TRHDE: variants seen among roughly 807,000 people sequenced by gnomAD.
TRHDE encodes thyrotropin releasing hormone degrading enzyme.
In TRHDE, 72 loss-of-function variants were observed where a neutral mutation model predicts 125.7. That is an observed-to-expected ratio of 0.57 (90% confidence interval 0.47 to 0.70). The LOEUF is 0.70. TRHDE is among the 30% of genes least tolerant of loss of function. The pLI is 0.00. For synonymous variants in TRHDE, 509 were observed against 509.1 expected, an observed-to-expected ratio of 1.00 and a Z score of 0.00; for missense variants, 1,110 against 1,327.1, an observed-to-expected ratio of 0.84 and a Z score of 2.54.
intron 5 of TRHDE, among the ~76,000 whole-genome samples, chr12:72,488,192 A>C (rs1877501974): frequency 6.6e-6 from 1 of 152,136 alleles, no homozygotes; most frequent in Admixed American, 6.5e-5. Context: ...TAAATGGCTT[A>C]AATTATTTAA....
intron 6 of TRHDE, among the ~76,000 whole-genome samples, chr12:72,534,624 T>G (rs138037624): frequency 2.4e-3 from 365 of 152,146 alleles, no homozygotes; most frequent in Non-Finnish European, 4.0e-3. Flanking sequence ...TACATACATT[T>G]TTGAAGTTTA....
intron 15 of TRHDE, among the ~76,000 whole-genome samples, chr12:72,627,730 A>C (rs2136083847): frequency 6.6e-6 from 1 of 151,946 alleles, no homozygotes; most frequent in South Asian, 2.1e-4. Flanking sequence ...CTATTATCCA[A>C]GTGCAGTGGC....
At position 72,272,618 on chromosome 12, in the gene TRHDE, GC is replaced by G; in HGVS notation, c.-25del. 1 of 894,128 alleles carries G rather than the reference GC, an allele frequency of 1.1e-6. No homozygotes were observed. Among genetic ancestry groups the G allele is most frequent in the Non-Finnish European group, 1.6e-6 (1 of 615,952 alleles). 55.4% of individuals were successfully genotyped at this position (894,128 alleles called of 1,614,324 possible). A position where few individuals can be genotyped will look rare whatever the true frequency, so the allele number is the denominator to read the frequency against. On this transcript the variant is annotated 5_prime_UTR_variant, in exon 1 of 19. Coordinates refer to ENST00000261180, the MANE Select transcript of TRHDE (RefSeq NM_013381.3). This position sits in a 1 kb window ranked among gnomAD's most constrained non-coding sequence, Gnocchi z 6.7. The stretch of plus-strand genomic sequence containing the variant: ...CCGCCCGCGGGGGGTGCCAGAGGGG[GC>G]GGGGGAGGAGGAGGAGGCGGTGTGA...
chr12:72,510,007 C>T (rs1259094563), intron 6 of TRHDE, among the ~76,000 whole-genome samples: 3 of 151,970 alleles, frequency 2.0e-5, no homozygotes, highest in Non-Finnish European at 4.4e-5. Context: ...TTGTGTTGCC[C>T]AGTCATTTAG....
intron 3 of TRHDE, among the ~76,000 whole-genome samples, chr12:72,379,087 G>A (rs768455384): frequency 2.0e-5 from 3 of 152,094 alleles, no homozygotes; most frequent in African/African-American, 4.8e-5. Flanking sequence ...CAAGAATAAA[G>A]TGCTTACTTG....
intron 3 of TRHDE, among the ~76,000 whole-genome samples, chr12:72,418,225 TTC>T (rs1873809980): frequency 6.6e-6 from 1 of 152,094 alleles, no homozygotes; most frequent in South Asian, 2.1e-4. Context: ...ACTTCAGTGT[TTC>T]TCTTTTTGTG....
At chr12:72,409,567 C>G (rs1873408597) in intron 3 of TRHDE, among the ~76,000 whole-genome samples, 1 of 152,176 alleles carries the variant, frequency 6.6e-6, no homozygotes, top group African/African-American at 2.4e-5. Context: ...GCCCCTTAAG[C>G]TTTGATTTTG....
intron 15 of TRHDE, among the ~76,000 whole-genome samples, chr12:72,623,088 A>C (rs1873118316): frequency 6.6e-6 from 1 of 151,860 alleles, no homozygotes; most frequent in South Asian, 2.1e-4. Flanking sequence ...CTTTTTTGCT[A>C]TTTTTACCAC....
intron 6 of TRHDE, 37 bp from the exon 7 acceptor site, chr12:72,542,254 G>A (rs912388835): frequency 2.0e-6 from 3 of 1,489,204 alleles, no homozygotes; most frequent in Middle Eastern, 1.8e-4. Context: ...ATGATACTTT[G>A]TTGAAATTCT....
intron 6 of TRHDE, among the ~76,000 whole-genome samples, chr12:72,530,032 G>A (rs951495925): frequency 1.3e-5 from 2 of 152,042 alleles, no homozygotes; most frequent in African/African-American, 4.8e-5. Flanking sequence ...CCATCCTCTT[G>A]TCTACTCTAG....
At chr12:72,319,854 A>G (rs1381683620) in intron 2 of TRHDE, among the ~76,000 whole-genome samples, 1 of 151,972 alleles carries the variant, frequency 6.6e-6, no homozygotes, top group Non-Finnish European at 1.5e-5. Flanking sequence ...AATCAATAAC[A>G]TGGTTTTTTT....
At chr12:72,181,319 G>A (rs755054956) in intron 2 of TRHDE, among the ~76,000 whole-genome samples, 35 of 151,974 alleles carry the variant, frequency 2.3e-4, no homozygotes, top group Non-Finnish European at 1.2e-4. Flanking sequence ...ACTGACCTCC[G>A]GGCTTAATGC....
chr12:72,294,228 C>A (rs1044517280), intron 2 of TRHDE, among the ~76,000 whole-genome samples: 9 of 152,170 alleles, frequency 5.9e-5, no homozygotes, highest in Non-Finnish European at 1.0e-4. Flanking sequence ...GTTCTTTTAG[C>A]CTCACCATTC....
At chr12:72,212,871 ACT>A (rs1289805604) in intron 2 of TRHDE, among the ~76,000 whole-genome samples, 1 of 152,164 alleles carries the variant, frequency 6.6e-6, no homozygotes, top group African/African-American at 2.4e-5. Flanking sequence ...CCACACAAGA[ACT>A]TGTACATGAA....
intron 3 of TRHDE, among the ~76,000 whole-genome samples, chr12:72,381,091 T>C (rs560071755): frequency 1.4e-4 from 22 of 152,252 alleles, no homozygotes; most frequent in African/African-American, 5.3e-4. Context: ...CATTTTTGTT[T>C]GTTACAACTT....
intron 5 of TRHDE, among the ~76,000 whole-genome samples, chr12:72,476,864 T>C (rs557526489): frequency 1.3e-5 from 2 of 152,302 alleles, no homozygotes; most frequent in South Asian, 4.1e-4. Context: ...TGTATGTGTG[T>C]TTTCAGAGCC....
intron 2 of TRHDE, among the ~76,000 whole-genome samples, chr12:72,309,256 A>T (rs1431390598): frequency 8.5e-5 from 13 of 152,164 alleles, no homozygotes; most frequent in Non-Finnish European, 1.3e-4. Flanking sequence ...GGTGAAAAGG[A>T]GAGAGAGAGA....
At chr12:72,454,131 G>T (rs1330032941) in intron 3 of TRHDE, among the ~76,000 whole-genome samples, 1 of 151,988 alleles carries the variant, frequency 6.6e-6, no homozygotes, top group African/African-American at 2.4e-5. Context: ...GTAGAGTGAA[G>T]TTCATTGTAA....
chr12:72,236,265 C>T (rs1205569134), intron 2 of TRHDE, among the ~76,000 whole-genome samples: 2 of 152,170 alleles, frequency 1.3e-5, no homozygotes, highest in African/African-American at 4.8e-5. Context: ...ACTATGAAAA[C>T]AAGTATTCAA....
Sources: gnomAD v4.1 joint callset for allele counts (sites outside exome capture counted in the v4.1 genomes callset) on GRCh38, gnomAD v4.1.1 for gene constraint, Gnocchi (gnomAD v3.1) non-coding constraint, MANE v1.5 for transcripts, NCBI Gene and HGNC (gene_info 2026-07-23, HGNC 2026-07-21) for gene names.